The following GALNT9 variants were observed in gnomAD, a reference collection of about 807,000 sequenced individuals.
GALNT9 encodes the protein GalNAc transferase 9.
In GALNT9, 47 loss-of-function variants were observed where a neutral mutation model predicts 63.1. That is an observed-to-expected ratio of 0.75 (90% CI 0.59 to 0.95). The LOEUF (loss-of-function observed/expected upper bound fraction) is 0.95. Ranked by LOEUF, GALNT9 falls within the 40% of genes least tolerant of loss-of-function variation. The probability of loss-of-function intolerance (pLI) is 0.00; values close to 1 mark genes in which losing one functional copy is unlikely to be tolerated. For synonymous variants in GALNT9, 396 were observed against 365.7 expected (o/e 1.08, Z -0.94); for missense variants, 829 against 874.8 (o/e 0.95, Z 0.66).
intron 5 of GALNT9, among the ~76,000 whole-genome samples, chr12:132,251,085 C>T (rs1029849239): frequency 8.5e-5 from 13 of 152,346 alleles, no homozygotes; most frequent in African/African-American, 2.9e-4. Flanking sequence ...CACACTGAAA[C>T]CTCGCCGTGC....
At chr12:132,248,721 C>T (rs1272806377) in intron 5 of GALNT9, among the ~76,000 whole-genome samples, 1 of 152,244 alleles carries the variant, frequency 6.6e-6, no homozygotes, top group Non-Finnish European at 1.5e-5. Context: ...CTATGTGCCA[C>T]AGACTGCCAG....
At position 132,196,448 on chromosome 12, in the gene GALNT9, G is replaced by A; in HGVS notation, c.*659C>T. The A allele has an allele frequency of 8.1e-6, 8 of 985,538 alleles. No homozygotes were observed. Among genetic ancestry groups the A allele is most frequent in the Non-Finnish European group, 9.6e-6 (8 of 829,994 alleles). The allele number at this position is 985,538 out of a possible 1,614,324, so 61.0% of individuals were successfully genotyped here. A position where few individuals can be genotyped will look rare whatever the true frequency, so the allele number is the denominator to read the frequency against. On this transcript the variant is annotated 3_prime_UTR_variant, in exon 11 of 11. Coordinates refer to ENST00000328957, the MANE Select transcript of GALNT9 (RefSeq NM_001122636.2). ...GCTGCGGCAGGGCCCAGGTGCCTGG[G>A]AAAGAGGTGGGACCGGGCCCCAACC...
chr12:132,235,421 G>A (rs975261614), intron 6 of GALNT9, among the ~76,000 whole-genome samples: 2 of 152,160 alleles, frequency 1.3e-5, no homozygotes, highest in Non-Finnish European at 2.9e-5. Context: ...TGGACAGGAG[G>A]AGAGAGCAGA....
chr12:132,263,360 C>T (rs1413125712), intron 2 of GALNT9, among the ~76,000 whole-genome samples: 1 of 152,238 alleles, frequency 6.6e-6, no homozygotes, highest in Non-Finnish European at 1.5e-5. Flanking sequence ...GCTTGGATTG[C>T]ACAGTTTTCA....
At chr12:132,201,427 T>C in intron 7 of GALNT9, 166 bp from the exon 8 acceptor site, 1 of 352,850 alleles carries the variant, frequency 2.8e-6, no homozygotes, top group Non-Finnish European at 5.4e-6. Context: ...CCCAGCCTCC[T>C]AATATCCACA....
At chr12:132,308,602 C>G (rs1400598118) in intron 1 of GALNT9, among the ~76,000 whole-genome samples, 1 of 152,170 alleles carries the variant, frequency 6.6e-6, no homozygotes, top group African/African-American at 2.4e-5. Context: ...TGGGAGGGAC[C>G]CTCGACCGCC....
chr12:132,311,593 C>T (rs1173224595), intron 1 of GALNT9, among the ~76,000 whole-genome samples: 1 of 152,196 alleles, frequency 6.6e-6, no homozygotes, highest in Non-Finnish European at 1.5e-5. Flanking sequence ...TGAGCAAGTG[C>T]CGGCAGAGAG....
intron 1 of GALNT9, among the ~76,000 whole-genome samples, chr12:132,292,729 T>C (rs1384808642): frequency 1.3e-5 from 2 of 152,140 alleles, no homozygotes; most frequent in Admixed American, 1.3e-4. Context: ...AAGGAGGCAC[T>C]GCTTGCTCTG....
intron 4 of GALNT9, among the ~76,000 whole-genome samples, chr12:132,260,656 A>G (rs1263579379): frequency 6.6e-6 from 1 of 152,238 alleles, no homozygotes; most frequent in Non-Finnish European, 1.5e-5. Context: ...AGGTGGGCAC[A>G]GACCAAGCCT....
chr12:132,284,672 T>A (rs539489311), intron 2 of GALNT9: 1 of 152,378 alleles, frequency 6.6e-6, no homozygotes, highest in South Asian at 2.1e-4. Flanking sequence ...TCTAAAGGAC[T>A]CGGGGAAACC....
chr12:132,207,724 C>T (rs868832306), intron 6 of GALNT9, among the ~76,000 whole-genome samples: 8 of 152,180 alleles, frequency 5.3e-5, no homozygotes, highest in Middle Eastern at 3.2e-3. Flanking sequence ...GGGCTTGGGC[C>T]GCAGACCCCT....
At chr12:132,251,740 T>G (rs1410383975) in intron 5 of GALNT9, among the ~76,000 whole-genome samples, 1 of 146,602 alleles carries the variant, frequency 6.8e-6, no homozygotes, top group African/African-American at 2.5e-5. Context: ...TCCAGAGCTT[T>G]GGAGGGAATA....
At position 132,286,218 on chromosome 12, in the gene GALNT9, C is replaced by T. The variant is rs782109896; in HGVS notation, c.419+32G>A. ...GGGGGGCGGTCACTTCCTCGGCGGG[C>T]GTCGGGGGATGGGGGGCAGTCACTC... On this transcript the variant is annotated intron_variant, in intron 2 of 10. Coordinates refer to ENST00000328957, the MANE Select transcript of GALNT9 (RefSeq NM_001122636.2). The surrounding 1 kb of genome is among the most constrained non-coding windows in gnomAD (Gnocchi z 7.4). 9.2e-6 allele frequency: 14 copies of T among 1,527,330 alleles called. No individual in the cohort carries two copies. The highest frequency in any genetic ancestry group is 2.8e-5 in the African/African-American group (2 of 71,402). The allele number at this position is 1,527,330 out of a possible 1,614,324, so 94.6% of individuals were successfully genotyped here.
At position 132,203,502 on chromosome 12, in the gene GALNT9, C is replaced by G. The variant is rs573609084; in HGVS notation, c.1263+3G>C. 1 of 1,613,394 alleles carries G rather than the reference C, an allele frequency of 6.2e-7. No individual in the cohort carries two copies. Among genetic ancestry groups the G allele is most frequent in the African/African-American group, 1.3e-5 (1 of 74,934 alleles). On this transcript the variant is annotated splice_donor_region_variant and intron_variant, in intron 7 of 10. Coordinates refer to ENST00000328957, the MANE Select transcript of GALNT9 (RefSeq NM_001122636.2). ...CCCGGCTCCCGGCCTGTGGGGGACT[C>G]ACCGACATGGGGATGTTCCAGGCCA...
At chr12:132,312,737 G>A (rs1403286877) in intron 1 of GALNT9, among the ~76,000 whole-genome samples, 1 of 152,180 alleles carries the variant, frequency 6.6e-6, no homozygotes, top group African/African-American at 2.4e-5. Context: ...GGAGTCCAGG[G>A]GACCTGGCTT....
chr12:132,325,796 C>A (rs1410582558), intron 1 of GALNT9, among the ~76,000 whole-genome samples: 1 of 152,256 alleles, frequency 6.6e-6, no homozygotes, highest in African/African-American at 2.4e-5. Context: ...ACCTCCCTCA[C>A]AACCAACCAA....
rs28667943 is a variant in GALNT9 at position 132,248,474 on chromosome 12, C to T, written c.960-447G>A. On this transcript the variant is annotated intron_variant, in intron 5 of 10. Coordinates refer to ENST00000328957, the MANE Select transcript of GALNT9 (RefSeq NM_001122636.2). The stretch of plus-strand genomic sequence containing the variant: ...GGCAACAGAGTGAGATCCTGTCTCC[C>T]CTCTCCCCTGAAAAAAGATCAGTTT... 8.3e-5 allele frequency among the ~76,000 whole-genome samples: 12 copies of T among 145,186 alleles called. No individual in the cohort carries two copies. In the East Asian group the frequency reaches 2.4e-3, roughly 29 times the overall value.
chr12:132,207,362 T>G (rs1270482768), intron 6 of GALNT9, among the ~76,000 whole-genome samples: 1 of 152,208 alleles, frequency 6.6e-6, no homozygotes, highest in Non-Finnish European at 1.5e-5. Flanking sequence ...AACGAATGTG[T>G]TCCCTTTAGG....
At chr12:132,207,144 G>C (rs1314495180) in intron 6 of GALNT9, among the ~76,000 whole-genome samples, 2 of 152,166 alleles carry the variant, frequency 1.3e-5, no homozygotes, top group Non-Finnish European at 2.9e-5. Context: ...CCTGTTTAGA[G>C]CCGCCGTCCT....
Sources: allele counts gnomAD v4.1 joint callset (sites outside exome capture counted in the v4.1 genomes callset), GRCh38; gene constraint gnomAD v4.1.1; non-coding constraint Gnocchi (gnomAD v3.1); transcripts MANE v1.5; gene names NCBI Gene and HGNC (gene_info 2026-07-23, HGNC 2026-07-21).